The following NLGN1 variants were observed in gnomAD, a reference collection of about 807,000 sequenced individuals.
The protein encoded by NLGN1 is neuroligin 1.
NLGN1 carries 12 observed loss-of-function variants against 65.5 expected under a neutral mutation model. The ratio of observed to expected loss-of-function variants is 0.18; its 90% confidence interval spans 0.12 to 0.30. The LOEUF is 0.30. Among genes scored for constraint, NLGN1 ranks in the 10% least tolerant of loss-of-function variants. The pLI is 1.00. For missense variants in NLGN1, 750 were observed against 1,007.1 expected (o/e 0.74, Z 3.46); for synonymous variants, 350 against 359.5 (o/e 0.97, Z 0.30).
intron 4 of NLGN1, among the ~76,000 whole-genome samples, chr3:173,860,636 G>T (rs1318844923): frequency 6.6e-6 from 1 of 152,198 alleles, no homozygotes; most frequent in African/African-American, 2.4e-5. Flanking sequence ...TGTTAACAGT[G>T]TGATCAGGTT....
chr3:174,117,747 C>T (rs1336984469), intron 4 of NLGN1, among the ~76,000 whole-genome samples: 2 of 152,120 alleles, frequency 1.3e-5, no homozygotes, highest in Non-Finnish European at 2.9e-5. Context: ...GTGTTGCTGC[C>T]TATCAGCTGG....
At chr3:173,754,881 CT>C (rs1259175886) in intron 3 of NLGN1, among the ~76,000 whole-genome samples, 1 of 152,064 alleles carries the variant, frequency 6.6e-6, no homozygotes, top group African/African-American at 2.4e-5. Context: ...ATTCATTACA[CT>C]TTATTTAATT....
chr3:173,869,294 C>A (rs1173764464), intron 4 of NLGN1, among the ~76,000 whole-genome samples: 2 of 152,192 alleles, frequency 1.3e-5, no homozygotes, highest in East Asian at 3.9e-4. Context: ...TTTTTCTTAA[C>A]ATAGAAATTA....
chr3:174,255,056 C>T (rs1438236515), intron 4 of NLGN1, among the ~76,000 whole-genome samples: 1 of 152,114 alleles, frequency 6.6e-6, no homozygotes, highest in Non-Finnish European at 1.5e-5. Flanking sequence ...AGTGTTGGTA[C>T]ACAGCTACAA....
intron 3 of NLGN1, among the ~76,000 whole-genome samples, chr3:173,637,026 CT>C (rs1442830635): frequency 6.6e-6 from 1 of 152,104 alleles, no homozygotes; most frequent in Non-Finnish European, 1.5e-5. Flanking sequence ...ATTCTGAGAA[CT>C]TTTTGTCTCC....
chr3:174,012,748 T>G (rs1725805396), intron 4 of NLGN1, among the ~76,000 whole-genome samples: 1 of 152,168 alleles, frequency 6.6e-6, no homozygotes, highest in Non-Finnish European at 1.5e-5. Context: ...TCTACTCTCT[T>G]TTACTGATCT....
At chr3:173,889,090 A>G (rs1477752968) in intron 4 of NLGN1, among the ~76,000 whole-genome samples, 1 of 152,176 alleles carries the variant, frequency 6.6e-6, no homozygotes, top group African/African-American at 2.4e-5. Flanking sequence ...AGTGACAGCT[A>G]TGTATTTCCA....
At chr3:173,501,315 C>A (rs1731085980) in intron 2 of NLGN1, among the ~76,000 whole-genome samples, 1 of 152,046 alleles carries the variant, frequency 6.6e-6, no homozygotes. Context: ...TCAATGTGTT[C>A]TCATTGTTCA....
At chr3:174,042,584 A>G (rs185473561) in intron 4 of NLGN1, among the ~76,000 whole-genome samples, 100 of 152,312 alleles carry the variant, frequency 6.6e-4, no homozygotes, top group Admixed American at 2.9e-3. Flanking sequence ...TGATAAGGCC[A>G]TTTGTGTTCT....
rs9815445 is a variant in NLGN1 at position 173,609,848 on chromosome 3, T to G, written c.493+4757T>G. On this transcript the variant is annotated intron_variant, in intron 3 of 6. Transcript: ENST00000457714. ...GTATGAAAGACCAAGAGTGCTGGTATGGAGAGTGAAAATAGTTAAAAATAA... is the reference window on the plus strand; with the variant it reads ...GTATGAAAGACCAAGAGTGCTGGTAGGGAGAGTGAAAATAGTTAAAAATAA... Among the ~76,000 whole-genome samples the G allele has an allele frequency of 8.9e-3, 1,358 of 152,000 alleles. 32 individuals carry two copies. Among genetic ancestry groups the G allele is most frequent in the African/African-American group, 0.031 (1,302 of 41,514 alleles).
Position 173,511,360 on chromosome 3 carries a change from CAGTT to C in NLGN1, c.-321+76283_-321+76286del, listed in dbSNP as rs146945161. ...CCATTATTGACAGACACCCTGAACT[CAGTT>C]GGTACCTGCATTGATACATCATTAT... is the stretch of plus-strand genomic sequence containing the variant. On this transcript the variant is annotated intron_variant, in intron 2 of 6. Transcript: ENST00000457714. Among the ~76,000 whole-genome samples the C allele has an allele frequency of 1.4e-4, 22 of 152,292 alleles. No individual in the cohort carries two copies. In the East Asian group the frequency reaches 3.7e-3, roughly 25 times the overall value.
intron 4 of NLGN1, among the ~76,000 whole-genome samples, chr3:174,184,921 C>T (rs1341681512): frequency 6.6e-6 from 1 of 152,062 alleles, no homozygotes; most frequent in African/African-American, 2.4e-5. Flanking sequence ...GTGGACAGAT[C>T]TGAGGAGATG....
intron 3 of NLGN1, among the ~76,000 whole-genome samples, chr3:173,774,875 CAT>C (rs770993534): frequency 2.6e-5 from 4 of 151,926 alleles, no homozygotes; most frequent in South Asian, 2.1e-4. Context: ...GTCAGTTTAA[CAT>C]AGAGTGTTTT....
chr3:173,804,343 T>G (rs576014155), intron 3 of NLGN1, among the ~76,000 whole-genome samples: 10 of 152,098 alleles, frequency 6.6e-5, no homozygotes, highest in African/African-American at 1.9e-4. Context: ...GTAGATGCTG[T>G]TTAGGCAAAG....
At chr3:173,755,908 A>G (rs552311817) in intron 3 of NLGN1, among the ~76,000 whole-genome samples, 1 of 152,156 alleles carries the variant, frequency 6.6e-6, no homozygotes, top group African/African-American at 2.4e-5. Flanking sequence ...TGCTGCTTCT[A>G]TAACTAATGA....
chr3:173,842,914 T>A (rs1370139620), intron 4 of NLGN1, among the ~76,000 whole-genome samples: 1 of 152,172 alleles, frequency 6.6e-6, no homozygotes, highest in African/African-American at 2.4e-5. Flanking sequence ...CAACCCCACA[T>A]TTCCCTTCCA....
chr3:173,703,814 G>C (rs1767619476), intron 3 of NLGN1, among the ~76,000 whole-genome samples: 1 of 152,108 alleles, frequency 6.6e-6, no homozygotes, highest in African/African-American at 2.4e-5. Flanking sequence ...AAATTTAGAG[G>C]CTTCTTTATC....
intron 3 of NLGN1, among the ~76,000 whole-genome samples, chr3:173,631,219 CA>C (rs1474151997): frequency 6.6e-6 from 1 of 152,164 alleles, no homozygotes; most frequent in East Asian, 1.9e-4. Context: ...CTCTGCTAAG[CA>C]GGCAGAGGGA....
Position 174,197,395 on chromosome 3 carries a change from A to G in NLGN1, c.647-77920A>G, listed in dbSNP as rs186683768. 2.3e-4 allele frequency among the ~76,000 whole-genome samples: 35 copies of G among 152,176 alleles called. No homozygotes were observed. In the East Asian group the frequency reaches 2.3e-3, roughly 10 times the overall value. On this transcript the variant is annotated intron_variant, in intron 4 of 6. Coordinates refer to ENST00000457714, the Ensembl canonical transcript of NLGN1. ...TAACTATAGGTATAGTTTATATCAG[A>G]TACAGAGTGAATAAGTGAGCCGTAC...
Sources: gnomAD v4.1 joint callset for allele counts (sites outside exome capture counted in the v4.1 genomes callset) on GRCh38, gnomAD v4.1.1 for gene constraint, MANE v1.5 for transcripts, NCBI Gene and HGNC (gene_info 2026-07-23, HGNC 2026-07-21) for gene names.